GSAP: variants seen among roughly 807,000 people sequenced by gnomAD.
The protein encoded by GSAP is gamma-secretase-activating protein.
GSAP carries 118 observed loss-of-function variants against 131.7 expected under a neutral mutation model. That is an observed-to-expected ratio of 0.90 (90% CI 0.77 to 1.04). The LOEUF is 1.04. Among genes scored for constraint, GSAP ranks in the 50% least tolerant of loss-of-function variants. The pLI is 0.00. For missense variants in GSAP, 1,019 were observed against 1,013.2 expected (o/e 1.01, Z -0.08); for synonymous variants, 381 against 363.4 (o/e 1.05, Z -0.55).
intron 8 of GSAP, among the ~76,000 whole-genome samples, chr7:77,379,375 T>C (rs1006677803): frequency 6.6e-6 from 1 of 151,120 alleles, no homozygotes; most frequent in African/African-American, 2.4e-5. Flanking sequence ...CTTTGCAACA[T>C]CCCTGCATGA....
chr7:77,416,395 C>G (rs988472934), upstream of GSAP: 2 of 689,010 alleles, frequency 2.9e-6, no homozygotes, highest in Admixed American at 4.1e-5. Context: ...GGCCGCCTCG[C>G]CCTCGCGTCC....
chr7:77,377,357 T>C lies in GSAP; in HGVS notation c.610A>G (p.Arg204Gly). The change falls in exon 9 of 31, where the codon AGA (arginine) becomes GGA (glycine). Residue 204 changes from arginine to glycine, a missense_variant. Transcript: ENST00000257626. ...IKNSGHLPRD[R>G]IAEDFVWAQW... ...GCCCAAACGAAATCCTCAGCTATTC[T>C]GTCTCTTGGGAGATGGCCAGAATTT... 6.3e-7 allele frequency: 1 copy of C among 1,588,814 alleles called. No individual in the cohort carries two copies. Among genetic ancestry groups the C allele is most frequent in the South Asian group, 1.1e-5 (1 of 87,238 alleles).
intron 14 of GSAP, 88 bp downstream of exon 14, chr7:77,360,736 T>G: frequency 9.8e-5 from 69 of 703,690 alleles, no homozygotes; most frequent in East Asian, 3.1e-4. Flanking sequence ...CAAAGAGGCA[T>G]GAGAAATGGG....
intron 26 of GSAP, among the ~76,000 whole-genome samples, chr7:77,316,580 CTA>C (rs916181847): frequency 2.0e-5 from 3 of 152,160 alleles, no homozygotes; most frequent in African/African-American, 7.2e-5. Flanking sequence ...CTTCACAAAA[CTA>C]TTAGTAAAAA....
chr7:77,414,198 A>C (rs2151237035), intron 1 of GSAP, among the ~76,000 whole-genome samples: 1 of 152,382 alleles, frequency 6.6e-6, no homozygotes. Flanking sequence ...TCAAATTCAG[A>C]AAGCAAGTAT....
At position 77,373,903 on chromosome 7, in the gene GSAP, T is replaced by C. The variant is rs150126824; in HGVS notation, c.871+167A>G. ...ACTGTGGCTTCCTCAATACAGACAG[T>C]GTATATTTAAAATTAATGAAGATTT... On this transcript the variant is annotated intron_variant, in intron 12 of 30. Transcript: ENST00000257626. Among the ~76,000 whole-genome samples, 767 of 152,306 alleles carry C rather than the reference T, an allele frequency of 5.0e-3. 2 individuals are homozygous for C. Among genetic ancestry groups the C allele is most frequent in the Non-Finnish European group, 7.7e-3 (521 of 68,018 alleles).
At chr7:77,390,291 A>C (rs1235271187) in intron 5 of GSAP, among the ~76,000 whole-genome samples, 2 of 152,146 alleles carry the variant, frequency 1.3e-5, no homozygotes, top group African/African-American at 4.8e-5. Context: ...TAGTTTAATT[A>C]GATCCCATTT....
chr7:77,415,908 G>A, intron 1 of GSAP: 1 of 308,272 alleles, frequency 3.2e-6, no homozygotes, highest in Non-Finnish European at 6.0e-6. Context: ...TCGCCGTGAG[G>A]TGATGCTGAG....
At chr7:77,414,843 A>ATTTT (rs1563154507) in intron 1 of GSAP, among the ~76,000 whole-genome samples, 1 of 58,404 alleles carries the variant, frequency 1.7e-5, no homozygotes, top group Non-Finnish European at 3.4e-5. Flanking sequence ...CATGTGGGCG[A>ATTTT]CTTTTTTTTT....
intron 14 of GSAP, among the ~76,000 whole-genome samples, chr7:77,357,831 C>A (rs1028420441): frequency 2.0e-5 from 3 of 152,104 alleles, no homozygotes; most frequent in Non-Finnish European, 4.4e-5. Context: ...AGACTCATTT[C>A]GAACTTCCAA....
At chr7:77,390,336 GT>G (rs1799276482) in intron 5 of GSAP, among the ~76,000 whole-genome samples, 1 of 152,096 alleles carries the variant, frequency 6.6e-6, no homozygotes, top group South Asian at 2.1e-4. Flanking sequence ...TGCTTTTGGT[GT>G]TTTAGACATG....
intron 5 of GSAP, among the ~76,000 whole-genome samples, chr7:77,396,511 TA>T (rs1800418195): frequency 6.6e-6 from 1 of 152,170 alleles, no homozygotes; most frequent in South Asian, 2.1e-4. Flanking sequence ...CAGCAGTTTT[TA>T]AAAGGTGGTG....
At chr7:77,322,125 G>A (rs1285792977) in intron 24 of GSAP, among the ~76,000 whole-genome samples, 1 of 152,238 alleles carries the variant, frequency 6.6e-6, no homozygotes, top group East Asian at 1.9e-4. Context: ...GGGCAAAGCA[G>A]AAGGATCTCC....
intron 12 of GSAP, among the ~76,000 whole-genome samples, chr7:77,371,696 C>T (rs528791105): frequency 6.6e-6 from 1 of 152,278 alleles, no homozygotes; most frequent in African/African-American, 2.4e-5. Flanking sequence ...CTCGGCCTCC[C>T]GAAGTTCTGG....
chr7:77,389,306 T>TTTTG (rs549735966), intron 5 of GSAP, among the ~76,000 whole-genome samples: 1 of 149,696 alleles, frequency 6.7e-6, no homozygotes, highest in Non-Finnish European at 1.5e-5. Context: ...TATATATATT[T>TTTTG]TTTGTTTGTT....
intron 19 of GSAP, among the ~76,000 whole-genome samples, chr7:77,347,987 CAAA>C (rs34156549): frequency 8.4e-6 from 1 of 118,796 alleles, no homozygotes. Context: ...CCCATCTCTA[CAAA>C]AAAAAAAAAA....
intron 12 of GSAP, among the ~76,000 whole-genome samples, chr7:77,369,109 G>A (rs748824401): frequency 9.2e-5 from 14 of 152,288 alleles, no homozygotes; most frequent in South Asian, 2.1e-4. Context: ...AACTTGTGAA[G>A]AGCAACTCGT....
chr7:77,371,175 C>A (rs1463175619), intron 12 of GSAP, among the ~76,000 whole-genome samples: 1 of 152,180 alleles, frequency 6.6e-6, no homozygotes, highest in Non-Finnish European at 1.5e-5. Context: ...TTCCTAAGCT[C>A]CACCAAAACC....
In GSAP at chr7:77,355,723, T is replaced by G. The variant is rs551219789; in HGVS notation, c.1028-76A>C. ...GTACAGAATGTCACATTATCCCTGC[T>G]TGTCTCTGAATATCTCAAAAGGCAA... is the stretch of plus-strand genomic sequence containing the variant. On this transcript the variant is annotated intron_variant, in intron 14 of 30. Transcript: ENST00000257626. 28 of 855,834 alleles carry G rather than the reference T, an allele frequency of 3.3e-5. No homozygotes were observed. In the African/African-American group the frequency reaches 4.2e-4, roughly 13 times the overall value. 53.0% of individuals were successfully genotyped at this position (855,834 alleles called of 1,614,324 possible).
Sources: gnomAD v4.1 joint callset for allele counts (sites outside exome capture counted in the v4.1 genomes callset) on GRCh38, gnomAD v4.1.1 for gene constraint, MANE v1.5 for transcripts, NCBI Gene and HGNC (gene_info 2026-07-23, HGNC 2026-07-21) for gene names.